Variants in SDHA observed in about 807,000 individuals in gnomAD.
SDHA encodes the protein succinate dehydrogenase [ubiquinone] flavoprotein subunit, mitochondrial.
In SDHA, 48 loss-of-function variants were observed where a neutral mutation model predicts 78.4. The observed-to-expected ratio is 0.61, with a 90% CI of 0.49 to 0.78. The LOEUF (loss-of-function observed/expected upper bound fraction) is 0.78. Among genes scored for constraint, SDHA ranks in the 30% least tolerant of loss-of-function variants. The probability of loss-of-function intolerance (pLI) is 0.00; values close to 1 mark genes in which losing one functional copy is unlikely to be tolerated. For synonymous variants in SDHA, 326 were observed against 353.9 expected (o/e 0.92, Z 0.88); for missense variants, 680 against 892.7 (o/e 0.76, Z 3.04).
At chr5:250,048 G>A (rs1242074125) in intron 11 of SDHA, 10 of 151,972 alleles carry the variant, frequency 6.6e-5, no homozygotes, top group African/African-American at 9.7e-5. Flanking sequence ...CCAGAAATAC[G>A]AAAAAAAGGA....
chr5:265,933 G>A, the SDHA span, among the ~76,000 whole-genome samples: 10 of 151,924 alleles, frequency 6.6e-5, 1 homozygote, highest in African/African-American at 2.4e-4. Context: ...AGTCCTGGGG[G>A]AACCCTACCC....
intron 5 of SDHA, among the ~76,000 whole-genome samples, 169 bp downstream of exon 5, chr5:226,216 G>A (rs755158523): frequency 5.9e-5 from 9 of 152,208 alleles, no homozygotes; most frequent in African/African-American, 9.7e-5. Flanking sequence ...AGGACCAGAC[G>A]TGTGCCTTGA....
intron 13 of SDHA, among the ~76,000 whole-genome samples, chr5:252,658 A>G (rs559552335): frequency 6.7e-6 from 1 of 150,040 alleles, no homozygotes; most frequent in African/African-American, 2.5e-5. Flanking sequence ...TGCCCTGTGG[A>G]GGAAGTGCCA....
chr5:251,580 C>G, intron 13 of SDHA, 112 bp downstream of exon 13: 1 of 1,559,976 alleles, frequency 6.4e-7, no homozygotes, highest in South Asian at 1.2e-5. Flanking sequence ...AAAAGTAAAT[C>G]CAAAAAATGC....
At chr5:231,907 C>T (rs1735427162) in intron 7 of SDHA, among the ~76,000 whole-genome samples, 1 of 152,116 alleles carries the variant, frequency 6.6e-6, no homozygotes, top group Non-Finnish European at 1.5e-5. Context: ...AAGATGAGCT[C>T]GTCTTGGGGA....
chr5:231,146 G>C, intron 7 of SDHA, 146 bp downstream of exon 7: 1 of 971,076 alleles, frequency 1.0e-6, no homozygotes, highest in Non-Finnish European at 1.6e-6. Flanking sequence ...TAACTTCAAC[G>C]TCATTTACCT....
At chr5:262,859 C>T in the SDHA span, among the ~76,000 whole-genome samples, 1 of 152,162 alleles carries the variant, frequency 6.6e-6, no homozygotes, top group Non-Finnish European at 1.5e-5. Context: ...ATTACTTTTG[C>T]ACCAACTTAA....
chr5:267,291 G>C, the SDHA span, among the ~76,000 whole-genome samples: 1 of 152,240 alleles, frequency 6.6e-6, no homozygotes, highest in Admixed American at 6.5e-5. Context: ...GGTTGGCTCT[G>C]TCCCTGGAAT....
At position 223,539 on chromosome 5, in the gene SDHA, A is replaced by C. The variant is rs1061520; in HGVS notation, c.121A>C (p.Lys41Gln). The C allele has an allele frequency of 6.8e-6, 11 of 1,613,760 alleles. No individual in the cohort carries two copies. Among genetic ancestry groups the C allele is most frequent in the Non-Finnish European group, 9.3e-6 (11 of 1,179,648 alleles). Residue 41 changes from lysine to glutamine, a missense_variant, in exon 2 of 15, where the codon AAG (lysine) becomes CAG (glutamine). Lys to Gln is a moderately conservative substitution (Grantham distance 53). Transcript: ENST00000264932. ...TTTTCACTTCACTGTTGATGGGAAC[A>C]AGAGGGCATCTGCTAAAGTTTCAGA... ...RGFHFTVDGN[K>Q]RASAKVSDSI... is the part of the protein sequence containing the mutation.
chr5:237,840 C>G (rs1261662915), intron 10 of SDHA, among the ~76,000 whole-genome samples: 1 of 137,486 alleles, frequency 7.3e-6, no homozygotes, highest in Non-Finnish European at 1.5e-5. Flanking sequence ...GTCTCTGGAT[C>G]TGACCACCGC....
At position 223,527 on chromosome 5, in the gene SDHA, G is replaced by A. The variant is rs758426529; in HGVS notation, c.109G>A (p.Val37Ile). Residue 37 changes from valine to isoleucine, a missense_variant, in exon 2 of 15, where the codon GTT becomes ATT. Val to Ile is a conservative substitution (Grantham distance 29). Transcript: ENST00000264932. ...QTGTRGFHFT[V>I]DGNKRASAKV... Reference sequence around the variant, plus strand: ...AGGAACCCGAGGTTTTCACTTCACTGTTGATGGGAACAAGAGGGCATCTGC... The same window carrying A: ...AGGAACCCGAGGTTTTCACTTCACTATTGATGGGAACAAGAGGGCATCTGC... 1.2e-5 allele frequency: 20 copies of A among 1,613,788 alleles called. No individual in the cohort carries two copies. In the East Asian group the frequency reaches 3.8e-4, roughly 31 times the overall value.
At chr5:261,661 G>T (rs1326953271), downstream of SDHA, among the ~76,000 whole-genome samples, 2 of 86,390 alleles carry the variant, frequency 2.3e-5, no homozygotes, top group Admixed American at 1.1e-4. Context: ...GCATTACCGT[G>T]TGAGCTCCGC....
In SDHA at chr5:224,356, C is replaced by T; in HGVS notation, c.151-4C>T. The T allele has an allele frequency of 2.5e-6, 4 of 1,612,804 alleles. No individual in the cohort carries two copies. The highest frequency in any genetic ancestry group is 3.4e-6 in the Non-Finnish European group (4 of 1,179,582). The stretch of plus-strand genomic sequence containing the variant: ...TGATTGACAGGTGAATTTTTCTTTT[C>T]CAGATTTCTGCTCAGTATCCAGTAG... On this transcript the variant is annotated splice_region_variant and splice_polypyrimidine_tract_variant and intron_variant, in intron 2 of 14. Transcript: ENST00000264932.
the SDHA span, among the ~76,000 whole-genome samples, chr5:262,303 TGAG>T: frequency 9.3e-6 from 1 of 107,982 alleles, no homozygotes; most frequent in Admixed American, 9.9e-5. Flanking sequence ...CATTACCGTG[TGAG>T]CTCCGCCTCC....
chr5:238,872 G>T (rs1276691024), intron 10 of SDHA, among the ~76,000 whole-genome samples: 1 of 151,476 alleles, frequency 6.6e-6, no homozygotes, highest in Admixed American at 6.6e-5. Flanking sequence ...GAGGTTGGAG[G>T]ATTGCTGGAG....
rs1334795603 is a variant in SDHA at position 218,901 on chromosome 5, G to A, written c.63+483G>A. Reference sequence around the variant, plus strand: ...AGCCCGTGGGTGGGGCCGGCGGGGCGGGTGAGACCGCCCGGGTGGGTGCGA... The same window carrying A: ...AGCCCGTGGGTGGGGCCGGCGGGGCAGGTGAGACCGCCCGGGTGGGTGCGA... On this transcript the variant is annotated intron_variant, in intron 1 of 14. Transcript: ENST00000264932. 2.0e-5 allele frequency among the ~76,000 whole-genome samples: 3 copies of A among 152,212 alleles called. No homozygotes were observed. The East Asian group carries it at 5.8e-4, about 29-fold the overall frequency.
At chr5:230,460 C>T (rs1164597974) in intron 6 of SDHA, among the ~76,000 whole-genome samples, 1 of 152,026 alleles carries the variant, frequency 6.6e-6, no homozygotes, top group Non-Finnish European at 1.5e-5. Context: ...AACCCCATCT[C>T]TACTAAAAAT....
Position 226,614 on chromosome 5 carries a change from A to G in SDHA, c.621+567A>G, listed in dbSNP as rs191909117. On this transcript the variant is annotated intron_variant, in intron 5 of 14. Coordinates refer to ENST00000264932, the MANE Select transcript of SDHA (RefSeq NM_004168.4). The stretch of plus-strand genomic sequence containing the variant: ...ACCACTGCACTCCAGCCTGGGCAAC[A>G]GGAGACCCTGTCTCAAAAAAAGAGA... Among the ~76,000 whole-genome samples the G allele has an allele frequency of 3.9e-5, 6 of 152,150 alleles. No homozygotes were observed. The East Asian group carries it at 1.2e-3, about 30-fold the overall frequency.
rs748683825 is a variant in SDHA at position 235,262 on chromosome 5, G to T, written c.1183G>T (p.Val395Phe). The change falls in exon 9 of 15, where the codon GTC (valine) becomes TTC (phenylalanine). Residue 395 changes from valine (V) to phenylalanine (F), a missense_variant. Transcript: ENST00000264932. The part of the protein sequence containing the change: ...ETAMIFAGVD[V>F]TKEPIPVLPT... ...AGCCATGATCTTCGCTGGCGTGGAC[G>T]TCACGAAGGAGCCGATCCCTGTCCT... The T allele has an allele frequency of 2.5e-6, 4 of 1,614,044 alleles. No homozygotes were observed. The highest frequency in any genetic ancestry group is 3.4e-6 in the Non-Finnish European group (4 of 1,179,958).
Sources: gnomAD v4.1 joint callset for allele counts (sites outside exome capture counted in the v4.1 genomes callset) on GRCh38, gnomAD v4.1.1 for gene constraint, MANE v1.5 for transcripts, NCBI Gene and HGNC (gene_info 2026-07-23, HGNC 2026-07-21) for gene names.